Variants in NUP93 observed in about 807,000 individuals in gnomAD.
The protein encoded by NUP93 is nucleoporin 93, also known as nuclear pore complex protein Nup93.
In NUP93, 55 loss-of-function variants were observed where a neutral mutation model predicts 107.8. The ratio of observed to expected loss-of-function variants is 0.51; its 90% CI spans 0.41 to 0.64. The LOEUF is 0.64. Among genes scored for constraint, NUP93 ranks in the 30% least tolerant of loss-of-function variants. NUP93 has a pLI of 0.00. For missense variants in NUP93, 937 were observed against 1,044.7 expected (o/e 0.90, Z 1.42); for synonymous variants, 390 against 397.5 (o/e 0.98, Z 0.22).
intron 3 of NUP93, among the ~76,000 whole-genome samples, chr16:56,765,490 A>G (rs1962201095): frequency 6.6e-6 from 1 of 152,236 alleles, no homozygotes. Flanking sequence ...GATTATCACC[A>G]GATCCAAAGT....
chr16:56,821,381 G>T, intron 6 of NUP93, 123 bp from the exon 7 acceptor site: 1 of 635,630 alleles, frequency 1.6e-6, no homozygotes, highest in Non-Finnish European at 2.8e-6. Flanking sequence ...AGTGTGGATG[G>T]CTCAGCCACT....
intron 5 of NUP93, among the ~76,000 whole-genome samples, chr16:56,811,357 C>T (rs1766590805): frequency 6.6e-6 from 1 of 152,142 alleles, no homozygotes; most frequent in Non-Finnish European, 1.5e-5. Flanking sequence ...TAATTTCCTT[C>T]AAAATAATGG....
At chr16:56,753,400 T>C (rs1961959390) in intron 2 of NUP93, among the ~76,000 whole-genome samples, 1 of 152,080 alleles carries the variant, frequency 6.6e-6, no homozygotes, top group Non-Finnish European at 1.5e-5. Context: ...ATACAGAGGA[T>C]AAAGGAGCAT....
intron 1 of NUP93, among the ~76,000 whole-genome samples, chr16:56,736,899 C>T (rs1961623641): frequency 6.6e-6 from 1 of 152,182 alleles, no homozygotes; most frequent in South Asian, 2.1e-4. Context: ...TTTGCCCTGA[C>T]AAGGGAATCA....
At chr16:56,788,721 G>A (rs1256526777) in intron 3 of NUP93, among the ~76,000 whole-genome samples, 1 of 152,180 alleles carries the variant, frequency 6.6e-6, no homozygotes, top group Non-Finnish European at 1.5e-5. Flanking sequence ...CTTAACCTTG[G>A]CCTTCCTCCC....
chr16:56,747,379 C>A (rs370694504), intron 1 of NUP93, among the ~76,000 whole-genome samples: 21 of 152,226 alleles, frequency 1.4e-4, no homozygotes, highest in Middle Eastern at 3.4e-3. Flanking sequence ...GGTCAAGAAC[C>A]TTATATAAGA....
intron 1 of NUP93, among the ~76,000 whole-genome samples, chr16:56,745,351 A>AG (rs1454088567): frequency 7.4e-5 from 11 of 149,454 alleles, no homozygotes; most frequent in South Asian, 2.1e-4. Flanking sequence ...CTGAGTGATG[A>AG]GGGGGGGTGG....
intron 2 of NUP93, 142 bp downstream of exon 2, chr16:56,748,568 C>T: frequency 1.4e-6 from 1 of 693,140 alleles, no homozygotes. Flanking sequence ...GTGTTGTAAA[C>T]AGGACAGCAG....
intron 2 of NUP93, among the ~76,000 whole-genome samples, chr16:56,755,856 C>T (rs1962008780): frequency 6.6e-6 from 1 of 152,132 alleles, no homozygotes; most frequent in African/African-American, 2.4e-5. Flanking sequence ...TCCTGGGCAA[C>T]AGAGCAAGAC....
chr16:56,830,482 C>T (rs1963757912), intron 9 of NUP93, 46 bp from the exon 10 acceptor site: 2 of 1,503,590 alleles, frequency 1.3e-6, no homozygotes, highest in East Asian at 4.6e-5. Context: ...TGAAAGCAGT[C>T]AGCCTTTCCT....
At chr16:56,772,039 CTCCTTTCT>C (rs1472250109) in intron 3 of NUP93, among the ~76,000 whole-genome samples, 2 of 151,770 alleles carry the variant, frequency 1.3e-5, no homozygotes, top group African/African-American at 4.8e-5. Context: ...TTGGTCTTTT[CTCCTTTCT>C]TCCTTTCACT....
At chr16:56,733,580 G>A (rs1961567171) in intron 1 of NUP93, among the ~76,000 whole-genome samples, 1 of 152,104 alleles carries the variant, frequency 6.6e-6, no homozygotes, top group Non-Finnish European at 1.5e-5. Flanking sequence ...AGTGGCTAAG[G>A]AGAGAGAAGT....
intron 3 of NUP93, among the ~76,000 whole-genome samples, chr16:56,782,917 G>A (rs1447814401): frequency 6.6e-6 from 1 of 152,164 alleles, no homozygotes; most frequent in Non-Finnish European, 1.5e-5. Context: ...AGTCTCAAAA[G>A]AGATCATAGG....
At position 56,820,837 on chromosome 16, in the gene NUP93, A is replaced by G. The variant is rs143988188; in HGVS notation, c.565-667A>G. Among the ~76,000 whole-genome samples, 1,162 of 152,288 alleles carry G rather than the reference A, an allele frequency of 7.6e-3. 17 individuals carry two copies. Among genetic ancestry groups the G allele is most frequent in the African/African-American group, 0.026 (1,100 of 41,556 alleles). Reference sequence around the variant, plus strand: ...TTAAGCTCTAAATCTTAACTAGTGAAGTCCTGTTTCACTTCCCTACCAGGA... The same window carrying G: ...TTAAGCTCTAAATCTTAACTAGTGAGGTCCTGTTTCACTTCCCTACCAGGA... On this transcript the variant is annotated intron_variant, in intron 6 of 21. Coordinates refer to ENST00000308159, the MANE Select transcript of NUP93 (RefSeq NM_014669.5).
At chr16:56,819,146 T>G (rs1358181795) in intron 6 of NUP93, among the ~76,000 whole-genome samples, 3 of 152,362 alleles carry the variant, frequency 2.0e-5, no homozygotes, top group South Asian at 2.1e-4. Flanking sequence ...TTTGTCTTAA[T>G]AAGCATAGTG....
chr16:56,804,496 T>C (rs1165104681), intron 4 of NUP93, among the ~76,000 whole-genome samples: 1 of 152,224 alleles, frequency 6.6e-6, no homozygotes. Context: ...GTGAGGTACC[T>C]AGAGTAGTCA....
At chr16:56,761,028 A>C (rs1382797389) in intron 3 of NUP93, among the ~76,000 whole-genome samples, 1 of 152,214 alleles carries the variant, frequency 6.6e-6, no homozygotes, top group African/African-American at 2.4e-5. Flanking sequence ...AGCTTCAAAA[A>C]ATGCAAAATG....
At chr16:56,761,019 G>T (rs1404685085) in intron 3 of NUP93, among the ~76,000 whole-genome samples, 1 of 152,094 alleles carries the variant, frequency 6.6e-6, no homozygotes. Flanking sequence ...TTCCAGAATA[G>T]CTTCAAAAAA....
chr16:56,827,069 A>AAAAAAAAAAAT (rs1430722800), intron 8 of NUP93, among the ~76,000 whole-genome samples: 72 of 125,490 alleles, frequency 5.7e-4, no homozygotes, highest in East Asian at 1.4e-3. Flanking sequence ...AAAAAAAAAA[A>AAAAAAAAAAAT]TTTTGTTGAG....
Sources: allele counts gnomAD v4.1 joint callset (sites outside exome capture counted in the v4.1 genomes callset), GRCh38; gene constraint gnomAD v4.1.1; transcripts MANE v1.5; gene names NCBI Gene and HGNC (gene_info 2026-07-23, HGNC 2026-07-21).